The following SLC22A17 variants were observed in gnomAD, a reference collection of about 807,000 sequenced individuals.
SLC22A17 encodes solute carrier family 22 member 17, also known as 24p3 receptor.
SLC22A17 carries 38 observed loss-of-function variants against 53.6 expected under a neutral mutation model. The observed-to-expected ratio is 0.71, with a 90% confidence interval of 0.55 to 0.93. The LOEUF is 0.93. Ranked by LOEUF, SLC22A17 falls within the 40% of genes least tolerant of loss-of-function variation. The probability of loss-of-function intolerance (pLI) is 0.00; values close to 1 mark genes in which losing one functional copy is unlikely to be tolerated. For missense variants in SLC22A17, 704 were observed against 791.0 expected (o/e 0.89, Z 1.32); for synonymous variants, 379 against 353.0 (o/e 1.07, Z -0.82).
intron 3 of SLC22A17, among the ~76,000 whole-genome samples, chr14:23,350,199 G>T (rs1479435413): frequency 1.3e-5 from 2 of 152,184 alleles, no homozygotes; most frequent in Non-Finnish European, 2.9e-5. Flanking sequence ...AGCTACTCGG[G>T]AGGCTGAGGC....
At chr14:23,350,613 C>T (rs1889563514) in intron 3 of SLC22A17, among the ~76,000 whole-genome samples, 1 of 152,252 alleles carries the variant, frequency 6.6e-6, no homozygotes, top group African/African-American at 2.4e-5. Flanking sequence ...GCAAAAGGGG[C>T]ACCAATCCCT....
rs1452037495 is a variant in SLC22A17 at position 23,352,497 on chromosome 14, A to G, written c.97-46T>C. 2 of 424,878 alleles carry G rather than the reference A, an allele frequency of 4.7e-6. No homozygotes were observed. Among genetic ancestry groups the G allele is most frequent in the Non-Finnish European group, 8.2e-6 (2 of 243,408 alleles). The allele number at this position is 424,878 out of a possible 1,614,324, so 26.3% of individuals were successfully genotyped here. On this transcript the variant is annotated intron_variant, in intron 1 of 9. Transcript: ENST00000397267. The surrounding 1 kb of genome is among the most constrained non-coding windows in gnomAD (Gnocchi z 7.2). ...GCAGGAGAAGGGTGAAGCGGAGGAAACCGCAGAGCAAGGGCAGGGGGCAGG... is the reference window on the plus strand; with the variant it reads ...GCAGGAGAAGGGTGAAGCGGAGGAAGCCGCAGAGCAAGGGCAGGGGGCAGG...
rs932210156 is a variant in SLC22A17 at position 23,351,858 on chromosome 14, G to A, written c.601-3C>T. 1.9e-6 allele frequency: 3 copies of A among 1,612,986 alleles called. No homozygotes were observed. Among genetic ancestry groups the A allele is most frequent in the Non-Finnish European group, 2.5e-6 (3 of 1,179,480 alleles). Reference sequence around the variant, plus strand: ...CCCAGGTCACACACCAGATCCCACTGGGGATGTGAGAAGGGTGCAGCGGGC... The same window carrying A: ...CCCAGGTCACACACCAGATCCCACTAGGGATGTGAGAAGGGTGCAGCGGGC... On this transcript the variant is annotated splice_polypyrimidine_tract_variant and splice_region_variant and intron_variant, in intron 2 of 9. Coordinates refer to ENST00000397267, the Ensembl canonical transcript of SLC22A17.
chr14:23,349,612 G>A (rs1165258170), intron 3 of SLC22A17, 186 bp from the exon 4 acceptor site: 7 of 647,500 alleles, frequency 1.1e-5, no homozygotes, highest in Admixed American at 8.9e-5. Context: ...TGGCTACTGG[G>A]CACTGGGGTG....
At position 23,347,784 on chromosome 14, in the gene SLC22A17, C is replaced by G; in HGVS notation, c.1278-53G>C. 4.3e-6 allele frequency: 7 copies of G among 1,609,924 alleles called. No individual in the cohort carries two copies. The highest frequency in any genetic ancestry group is 5.9e-6 in the Non-Finnish European group (7 of 1,177,356). ...ACAGAGCCTGAATCCCCTCCCGCAG[C>G]CTTCTACAGTGCTGATGGTCCTCCG... On this transcript the variant is annotated intron_variant, in intron 7 of 9. Coordinates refer to ENST00000397267, the Ensembl canonical transcript of SLC22A17. The surrounding 1 kb of genome is among the most constrained non-coding windows in gnomAD (Gnocchi z 5.1).
Position 23,347,366 on chromosome 14 carries a change from G to T in SLC22A17, c.1549+94C>A. 1 of 1,528,122 alleles carries T rather than the reference G, an allele frequency of 6.5e-7. No individual in the cohort carries two copies. The highest frequency in any genetic ancestry group is 8.8e-7 in the Non-Finnish European group (1 of 1,130,800). The allele number at this position is 1,528,122 out of a possible 1,614,324, so 94.7% of individuals were successfully genotyped here. A position where few individuals can be genotyped will look rare whatever the true frequency, so the allele number is the denominator to read the frequency against. Reference sequence around the variant, plus strand: ...ACTGGGAGAGCAGATGGGGCTGTGGGGCCAGGTGGAGGCTCGTGGAAGAGC... The same window carrying T: ...ACTGGGAGAGCAGATGGGGCTGTGGTGCCAGGTGGAGGCTCGTGGAAGAGC... On this transcript the variant is annotated intron_variant, in intron 8 of 9. Transcript: ENST00000397267. This position sits in a 1 kb window ranked among gnomAD's most constrained non-coding sequence, Gnocchi z 5.1.
exon 10 of SLC22A17, chr14:23,346,686 G>A: frequency 6.5e-7 from 1 of 1,529,076 alleles, no homozygotes; most frequent in Non-Finnish European, 8.8e-7. Context: ...AGCGGGACGT[G>A]GTCACAGCGG....
chr14:23,347,350 G>T lies in SLC22A17; in HGVS notation c.1549+110C>A, dbSNP rs1209091437. ...GGGCATTCAGTAATTGACTGGGAGA[G>T]CAGATGGGGCTGTGGGGCCAGGTGG... On this transcript the variant is annotated intron_variant, in intron 8 of 9. Transcript: ENST00000397267. The surrounding 1 kb of genome is among the most constrained non-coding windows in gnomAD (Gnocchi z 5.1). 2 of 1,494,274 alleles carry T rather than the reference G, an allele frequency of 1.3e-6. No individual in the cohort carries two copies. Among genetic ancestry groups the T allele is most frequent in the Non-Finnish European group, 1.8e-6 (2 of 1,105,466 alleles). 92.6% of individuals were successfully genotyped at this position (1,494,274 alleles called of 1,614,324 possible).
chr14:23,346,926 G>A, exon 10 of SLC22A17: 1 of 1,535,122 alleles, frequency 6.5e-7, no homozygotes, highest in Non-Finnish European at 8.7e-7. Flanking sequence ...ATCAGGCCCA[G>A]GCCACGGCCC....
chr14:23,351,912 C>G (rs1334258578), intron 2 of SLC22A17, 36 bp downstream of exon 2: 1 of 1,611,500 alleles, frequency 6.2e-7, no homozygotes, highest in South Asian at 1.1e-5. Flanking sequence ...CGCTCTCTGC[C>G]CGCCCCCAGA....
rs933888623 is a variant in SLC22A17 at position 23,347,006 on chromosome 14, C to A, written c.1662-70G>T. The A allele has an allele frequency of 4.0e-6, 6 of 1,498,458 alleles. No homozygotes were observed. The highest frequency in any genetic ancestry group is 2.4e-5 in the East Asian group (1 of 41,102). 92.8% of individuals were successfully genotyped at this position (1,498,458 alleles called of 1,614,324 possible). A position where few individuals can be genotyped will look rare whatever the true frequency, so the allele number is the denominator to read the frequency against. ...GCTGGGCCCTTCTCCCGCAGCCCCCCTCCTCCAGCCCGCAGGCCCTGTCCT... is the reference window on the plus strand; with the variant it reads ...GCTGGGCCCTTCTCCCGCAGCCCCCATCCTCCAGCCCGCAGGCCCTGTCCT... On this transcript the variant is annotated intron_variant, in intron 9 of 9. Transcript: ENST00000397267. This position sits in a 1 kb window ranked among gnomAD's most constrained non-coding sequence, Gnocchi z 5.1.
rs761161762 is a variant in SLC22A17, at chr14:23,346,717, C to T, written c.1881G>A (p.Leu627=). 4.5e-6 allele frequency: 7 copies of T among 1,544,862 alleles called. No homozygotes were observed. In the South Asian group the frequency reaches 8.3e-5, roughly 18 times the overall value. ...AGCGGGTAGGGGGTGGCTGCCGCAG[C>T]AGGGAAGGCCGGCGACACAGCTCCC... Residue 627 remains leucine, a synonymous_variant, in exon 10 of 10, where the codon CTG becomes CTA. Transcript: ENST00000397267.
exon 10 of SLC22A17, chr14:23,346,506 C>G: frequency 9.4e-7 from 1 of 1,058,888 alleles, no homozygotes; most frequent in East Asian, 2.7e-5. Flanking sequence ...AGGGTGGGGA[C>G]GGCCCTCTGA....
rs764945189 is a variant in SLC22A17 at position 23,348,032 on chromosome 14, C to A, written c.1172-36G>T. The A allele has an allele frequency of 1.9e-6, 3 of 1,612,646 alleles. No individual in the cohort carries two copies. The highest frequency in any genetic ancestry group is 2.5e-6 in the Non-Finnish European group (3 of 1,178,974). On this transcript the variant is annotated intron_variant, in intron 6 of 9. Transcript: ENST00000397267. This position sits in a 1 kb window ranked among gnomAD's most constrained non-coding sequence, Gnocchi z 4.5. ...GAGAGAGGAGCTGTCAGAAGAAAAC[C>A]CTGAGATCCCAGGATCCTCCCACAT...
chr14:23,350,985 C>G (rs112793453), intron 3 of SLC22A17: 1 of 152,286 alleles, frequency 6.6e-6, no homozygotes, highest in African/African-American at 2.4e-5. Flanking sequence ...TGAGTCTAAT[C>G]GGAAGTTTAG....
rs1342858781 is a variant in SLC22A17 at position 23,347,515 on chromosome 14, A to G, written c.1494T>C (p.Asp498=). The change falls in exon 8 of 10, where the codon GAT becomes GAC. Residue 498 remains aspartate, a synonymous_variant. Coordinates refer to ENST00000397267, the Ensembl canonical transcript of SLC22A17. The surrounding 1 kb of genome is among the most constrained non-coding windows in gnomAD (Gnocchi z 5.1). ...CTGTGGGGAAGATAGGATGCTCACA[A>G]TCCCACAGGCCCAGCAGGACCAGGG... 3 of 1,613,932 alleles carry G rather than the reference A, an allele frequency of 1.9e-6. No homozygotes were observed. Among genetic ancestry groups the G allele is most frequent in the Admixed American group, 1.7e-5 (1 of 60,000 alleles).
In SLC22A17 at chr14:23,348,365, G is replaced by A. The variant is rs931202727; in HGVS notation, c.1026-59C>T. On this transcript the variant is annotated intron_variant, in intron 5 of 9. Transcript: ENST00000397267. The surrounding 1 kb of genome is among the most constrained non-coding windows in gnomAD (Gnocchi z 4.5). ...CCTCCCTTCTCCTGATCTAGGGGTGGGAAATGTGCACCTCTGAGGGACTGG... is the reference window on the plus strand; with the variant it reads ...CCTCCCTTCTCCTGATCTAGGGGTGAGAAATGTGCACCTCTGAGGGACTGG... 11 of 1,602,418 alleles carry A rather than the reference G, an allele frequency of 6.9e-6. No individual in the cohort carries two copies. Among genetic ancestry groups the A allele is most frequent in the African/African-American group, 1.3e-5 (1 of 74,742 alleles).
At chr14:23,349,560 T>C in intron 3 of SLC22A17, 134 bp from the exon 4 acceptor site, 1 of 1,090,558 alleles carries the variant, frequency 9.2e-7, no homozygotes, top group Admixed American at 2.7e-5. Flanking sequence ...GACAGAGGCT[T>C]GAGAAGATGG....
chr14:23,352,028 C>A lies in SLC22A17; in HGVS notation c.520G>T (p.Ala174Ser). Residue 174 changes from alanine to serine, a missense_variant, in exon 2 of 10, where the codon GCC (alanine) becomes TCC (serine). Coordinates refer to ENST00000397267, the Ensembl canonical transcript of SLC22A17. The surrounding 1 kb of genome is among the most constrained non-coding windows in gnomAD (Gnocchi z 7.2). ...AGGCAATGGTTGAAGTCCGGCGGGG[C>A]GAAGCCGCTGCACGAGGGGTCGGTA... 1 of 1,609,308 alleles carries A rather than the reference C, an allele frequency of 6.2e-7. No homozygotes were observed. Among genetic ancestry groups the A allele is most frequent in the South Asian group, 1.1e-5 (1 of 90,270 alleles).
Sources: gnomAD v4.1 joint callset for allele counts (sites outside exome capture counted in the v4.1 genomes callset) on GRCh38, gnomAD v4.1.1 for gene constraint, Gnocchi (gnomAD v3.1) non-coding constraint, MANE v1.5 for transcripts, NCBI Gene and HGNC (gene_info 2026-07-23, HGNC 2026-07-21) for gene names.